Variants in SLC26A6 observed in about 807,000 individuals in gnomAD.
SLC26A6 encodes the protein solute carrier family 26 member 6.
SLC26A6 carries 67 observed loss-of-function variants against 87.1 expected under a neutral mutation model. The ratio of observed to expected loss-of-function variants is 0.77; its 90% CI spans 0.63 to 0.94. SLC26A6 has a LOEUF of 0.94. SLC26A6 is among the 40% of genes least tolerant of loss of function. The probability of loss-of-function intolerance (pLI) is 0.00; values close to 1 mark genes in which losing one functional copy is unlikely to be tolerated. For missense variants in SLC26A6, 902 were observed against 973.0 expected (o/e 0.93, Z 0.97); for synonymous variants, 414 against 405.9 (o/e 1.02, Z -0.24).
chr3:48,627,167 CAT>C, intron 17 of SLC26A6, 112 bp from the exon 18 acceptor site: 1 of 1,274,018 alleles, frequency 7.8e-7, no homozygotes, highest in South Asian at 1.4e-5. Flanking sequence ...GCATGGGACA[CAT>C]AAGGACACAA....
rs578127075 is a variant in SLC26A6 at position 48,628,353 on chromosome 3, G to C, written c.1800+81C>G. The C allele has an allele frequency of 1.5e-4, 239 of 1,566,062 alleles. No individual in the cohort carries two copies. Among genetic ancestry groups the C allele is most frequent in the Admixed American group, 6.2e-4 (36 of 58,384 alleles). Reference sequence around the variant, plus strand: ...GAAGGGATGAGGAGTGAGGACGAGGGAGGAGTCGGGGGCCAGGAGAAAGGC... The same window carrying C: ...GAAGGGATGAGGAGTGAGGACGAGGCAGGAGTCGGGGGCCAGGAGAAAGGC... On this transcript the variant is annotated intron_variant, in intron 16 of 20. Coordinates refer to ENST00000395550, the MANE Select transcript of SLC26A6 (RefSeq NM_022911.3). This position sits in a 1 kb window ranked among gnomAD's most constrained non-coding sequence, Gnocchi z 4.4.
Position 48,630,999 on chromosome 3 carries a change from G to T in SLC26A6, c.1128C>A (p.Ser376Arg), listed in dbSNP as rs773140765. Residue 376 changes from serine to arginine, a missense_variant, in exon 9 of 21, where the codon AGC becomes AGA. Ser to Arg is a moderately radical substitution (Grantham distance 110, BLOSUM62 -1). Transcript: ENST00000395550. ...FALRHGYRVD[S>R]NQELVALGLS... is the part of the protein sequence containing the mutation. ...CATCCCGCATCACCCAGACCTGGTT[G>T]CTGTCCACCCGGTAGCCGTGCCTCA... 4 of 1,613,746 alleles carry T rather than the reference G, an allele frequency of 2.5e-6. No individual in the cohort carries two copies. The highest frequency in any genetic ancestry group is 3.4e-6 in the Non-Finnish European group (4 of 1,179,994).
At chr3:48,631,548 C>T (rs951732887) in intron 7 of SLC26A6, 101 bp downstream of exon 7, 4 of 1,467,968 alleles carry the variant, frequency 2.7e-6, no homozygotes, top group African/African-American at 2.8e-5. Context: ...ACCCTCCCAG[C>T]CCCCCTCCAG....
Position 48,631,766 on chromosome 3 carries a change from G to T in SLC26A6, c.786C>A (p.Ser262Arg). The T allele has an allele frequency of 6.2e-7, 1 of 1,613,550 alleles. No individual in the cohort carries two copies. The highest frequency in any genetic ancestry group is 1.3e-5 in the African/African-American group (1 of 75,034). The change falls in exon 7 of 21, where the codon AGC becomes AGA. Residue 262 changes from serine to arginine, a missense_variant. Transcript: ENST00000395550. ...VLEVCWKLPQ[S>R]KVGTVVTAAV... Reference sequence around the variant, plus strand: ...CTGCAGTGACCACGGTGCCAACCTTGCTCTGGGGCAGCTTCCAGCAGACCT... The same window carrying T: ...CTGCAGTGACCACGGTGCCAACCTTTCTCTGGGGCAGCTTCCAGCAGACCT...
rs371344142 is a variant in SLC26A6 at position 48,630,101 on chromosome 3, G to A, written c.1383C>T (p.Ser461=). ...TGGCCTTCCAGAGGGAGCGCATGTC[G>A]CTGAGCTGCCTCAGCATGCCCTTCA... The part of the protein sequence containing the change: ...VNLKGMLRQL[S]DMRSLWKANR... The change falls in exon 12 of 21, where the codon AGC becomes AGT. Residue 461 remains serine, a synonymous_variant. Transcript: ENST00000395550. 4.9e-5 allele frequency: 79 copies of A among 1,611,654 alleles called. No individual in the cohort carries two copies. In the Admixed American group the frequency reaches 5.3e-4, roughly 11 times the overall value.
intron 1 of SLC26A6, chr3:48,634,035 C>A: frequency 3.7e-6 from 1 of 267,204 alleles, no homozygotes; most frequent in Non-Finnish European, 6.6e-6. Context: ...GCTGAGAGCA[C>A]ACTCAGGGAA....
chr3:48,635,318 C>G (rs1575534139), intron 1 of SLC26A6, 53 bp downstream of exon 1: 1 of 1,523,730 alleles, frequency 6.6e-7, no homozygotes, highest in African/African-American at 1.5e-5. Flanking sequence ...CGGAGAATGC[C>G]TGCTCCAGCG....
In SLC26A6 at chr3:48,633,655, G is replaced by C. The variant is rs1464750897; in HGVS notation, c.24-20C>G. On this transcript the variant is annotated intron_variant, in intron 1 of 20. Transcript: ENST00000395550. ...CTCGGTCTGGGGTGGCAAGACCAGAGAGACACAGTGAAGGCATCCCTGGCC... is the reference window on the plus strand; with the variant it reads ...CTCGGTCTGGGGTGGCAAGACCAGACAGACACAGTGAAGGCATCCCTGGCC... 1 of 1,611,936 alleles carries C rather than the reference G, an allele frequency of 6.2e-7. No homozygotes were observed. The highest frequency in any genetic ancestry group is 8.5e-7 in the Non-Finnish European group (1 of 1,179,206).
Position 48,631,984 on chromosome 3 carries a change from G to C in SLC26A6, c.646C>G (p.Arg216Gly). Reference protein sequence around the residue: ...VVTYLSEPLVRGYTTAAAVQV... With the variant: ...VVTYLSEPLVGGYTTAAAVQV... ...ACAGCTGCAGCTGTGGTATAGCCTC[G>C]GACAAGAGGTTCTGACAGGTAGGTG... The change falls in exon 6 of 21, where the codon CGA becomes GGA. Residue 216 changes from arginine to glycine, a missense_variant. By Grantham distance (125) the Arg-to-Gly change is moderately radical. Coordinates refer to ENST00000395550, the MANE Select transcript of SLC26A6 (RefSeq NM_022911.3). 1 of 1,613,488 alleles carries C rather than the reference G, an allele frequency of 6.2e-7. No individual in the cohort carries two copies. The highest frequency in any genetic ancestry group is 8.5e-7 in the Non-Finnish European group (1 of 1,180,016).
Position 48,625,849 on chromosome 3 carries a change from G to A in SLC26A6, c.*137C>T, listed in dbSNP as rs2046604975. 3 of 1,166,574 alleles carry A rather than the reference G, an allele frequency of 2.6e-6. No individual in the cohort carries two copies. The highest frequency in any genetic ancestry group is 2.8e-5 in the South Asian group (2 of 71,118). 72.3% of individuals were successfully genotyped at this position (1,166,574 alleles called of 1,614,324 possible). A position where few individuals can be genotyped will look rare whatever the true frequency, so the allele number is the denominator to read the frequency against. On this transcript the variant is annotated 3_prime_UTR_variant, in exon 21 of 21. Transcript: ENST00000395550. The surrounding 1 kb of genome is among the most constrained non-coding windows in gnomAD (Gnocchi z 4.7). ...CTGGAGCGCTGAACTTGGAGTCCCAGGACCTCCTTCCCTGAGTTGTGTGTG... is the reference window on the plus strand; with the variant it reads ...CTGGAGCGCTGAACTTGGAGTCCCAAGACCTCCTTCCCTGAGTTGTGTGTG...
chr3:48,632,398 T>G lies in SLC26A6; in HGVS notation c.434-2A>C. ...TCACAGACATGACAGCAAAGGTCCC[T>G]GTAAGGACGGCACGGGGCAGGTCTG... On this transcript the variant is annotated splice_acceptor_variant, in intron 4 of 20. Transcript: ENST00000395550. LOFTEE classifies it high-confidence loss of function. The G allele has an allele frequency of 6.2e-7, 1 of 1,604,320 alleles. No homozygotes were observed.
Position 48,630,702 on chromosome 3 carries a change from G to C in SLC26A6, c.1153C>G (p.Leu385Val). ...AAGATGCCTCCGATAAGGTTACTGA[G>C]GCCCAGGGCCACCAGCTCCTGACGG... The part of the protein sequence containing the change: ...DSNQELVALG[L>V]SNLIGGIFQC... The change falls in exon 10 of 21, where the codon CTC becomes GTC. Residue 385 changes from leucine (L) to valine (V), a missense_variant. This residue lies in a region of SLC26A6 where 800 missense variants were observed against 856.8 expected (regional missense o/e 0.93). Transcript: ENST00000395550. The C allele has an allele frequency of 6.2e-7, 1 of 1,601,308 alleles. No individual in the cohort carries two copies.
intron 17 of SLC26A6, chr3:48,627,678 C>T (rs1399901893): frequency 8.6e-6 from 3 of 347,612 alleles, no homozygotes; most frequent in Non-Finnish European, 1.5e-5. Context: ...CCATCCCTTT[C>T]CTCTACCCAT....
rs750561357 is a variant in SLC26A6, at chr3:48,630,075, T to C, written c.1409A>G (p.Asn470Ser). The change falls in exon 12 of 21, where the codon AAT becomes AGT. Residue 470 changes from asparagine to serine, a missense_variant. By Grantham distance (46) the Asn-to-Ser change is conservative. This residue lies in a region of SLC26A6 where 800 missense variants were observed against 856.8 expected (regional missense o/e 0.93). Coordinates refer to ENST00000395550, the MANE Select transcript of SLC26A6 (RefSeq NM_022911.3). ...CAGTGCACTCACCAGATCCGCCCGATTGGCCTTCCAGAGGGAGCGCATGTC... is the reference window on the plus strand; with the variant it reads ...CAGTGCACTCACCAGATCCGCCCGACTGGCCTTCCAGAGGGAGCGCATGTC... Reference protein sequence around the residue: ...LSDMRSLWKANRADLLIWLVT... With the variant: ...LSDMRSLWKASRADLLIWLVT... 22 of 1,612,196 alleles carry C rather than the reference T, an allele frequency of 1.4e-5. No homozygotes were observed. Among genetic ancestry groups the C allele is most frequent in the Middle Eastern group, 1.6e-4 (1 of 6,080 alleles).
At position 48,631,149 on chromosome 3, in the gene SLC26A6, G is replaced by T. The variant is rs753832910; in HGVS notation, c.987-9C>A. The T allele has an allele frequency of 1.2e-6, 2 of 1,613,594 alleles. No individual in the cohort carries two copies. The highest frequency in any genetic ancestry group is 8.5e-7 in the Non-Finnish European group (1 of 1,179,974). On this transcript the variant is annotated splice_polypyrimidine_tract_variant and intron_variant, in intron 8 of 20. Transcript: ENST00000395550. ...CCACTGGGGGCACCAGCCTGTGAGA[G>T]GTATCTGTGAGGCCAAAGCAAGGTC...
chr3:48,629,988 G>A lies in SLC26A6; in HGVS notation c.1423-10C>T. The A allele has an allele frequency of 2.5e-6, 4 of 1,614,108 alleles. No individual in the cohort carries two copies. The highest frequency in any genetic ancestry group is 4.5e-5 in the East Asian group (2 of 44,894). On this transcript the variant is annotated splice_polypyrimidine_tract_variant and intron_variant, in intron 12 of 20. Transcript: ENST00000395550. The stretch of plus-strand genomic sequence containing the variant: ...TCACCAGCCAGATAAGCTGAGAACA[G>A]AGGGCAGCGGTTGGAGGGCGGCGAG...
rs766888709 is a variant in SLC26A6, at chr3:48,626,610, T to G, written c.2128+21A>C. The stretch of plus-strand genomic sequence containing the variant: ...TCCTACCCTCTTCCCAGGTCCCTCC[T>G]GCTGTTCCCACCCTACTCACTGTGG... On this transcript the variant is annotated intron_variant, in intron 19 of 20. Coordinates refer to ENST00000395550, the MANE Select transcript of SLC26A6 (RefSeq NM_022911.3). 6.2e-6 allele frequency: 10 copies of G among 1,614,186 alleles called. No homozygotes were observed. The Admixed American group carries it at 1.7e-4, about 27-fold the overall frequency.
At position 48,626,912 on chromosome 3, in the gene SLC26A6, G is replaced by A; in HGVS notation, c.2037C>T (p.Ser679=). 6.2e-7 allele frequency: 1 copy of A among 1,614,172 alleles called. No homozygotes were observed. The highest frequency in any genetic ancestry group is 1.3e-5 in the African/African-American group (1 of 75,058). The change falls in exon 18 of 21, where the codon TCC becomes TCT. Residue 679 remains serine (S), a synonymous_variant. Transcript: ENST00000395550. The stretch of plus-strand genomic sequence containing the variant: ...TCTTGAGGCACACAGTGTCCACAAA[G>A]GAGAGGGCACCCAGGTCCAGGATGA... ...HSLILDLGAL[S]FVDTVCLKSL... is the part of the protein sequence containing the mutation.
rs1309654684 is a variant in SLC26A6, at chr3:48,630,494, G to A, written c.1270C>T (p.Leu424Phe). 1 of 1,561,404 alleles carries A rather than the reference G, an allele frequency of 6.4e-7. No individual in the cohort carries two copies. The highest frequency in any genetic ancestry group is 2.4e-5 in the East Asian group (1 of 41,550). The stretch of plus-strand genomic sequence containing the variant: ...TTGACAATGATGAGGAGGATGAAAA[G>A]GGAAGAGATGGCTCCAGCAACCTGT... The part of the protein sequence containing the change: ...NSQVAGAISS[L>F]FILLIIVKLG... Residue 424 changes from leucine to phenylalanine, a missense_variant, in exon 11 of 21, where the codon CTT (leucine) becomes TTT (phenylalanine). By Grantham distance (22) the Leu-to-Phe change is conservative. This residue lies in a region of SLC26A6 where 800 missense variants were observed against 856.8 expected (regional missense o/e 0.93). Coordinates refer to ENST00000395550, the MANE Select transcript of SLC26A6 (RefSeq NM_022911.3).
Sources: gnomAD v4.1 joint callset for allele counts on GRCh38, gnomAD v4.1.1 for gene constraint, gnomAD v4.1.1 regional missense constraint, Gnocchi (gnomAD v3.1) non-coding constraint, MANE v1.5 for transcripts, NCBI Gene and HGNC (gene_info 2026-07-23, HGNC 2026-07-21) for gene names.